The following ZRANB3 variants were observed in gnomAD, a reference collection of about 807,000 sequenced individuals.
ZRANB3 encodes DNA annealing helicase and endonuclease ZRANB3.
ZRANB3 carries 125 observed loss-of-function variants against 133.8 expected under a neutral mutation model. That is an observed-to-expected ratio of 0.93 (90% CI 0.81 to 1.08). The LOEUF is 1.08. Ranked by LOEUF, ZRANB3 falls within the 50% of genes least tolerant of loss-of-function variation. ZRANB3 has a pLI of 0.00. For synonymous variants in ZRANB3, 387 were observed against 432.7 expected, an observed-to-expected ratio of 0.89 and a Z score of 1.31; for missense variants, 1,229 against 1,275.5, an observed-to-expected ratio of 0.96 and a Z score of 0.56.
At chr2:135,201,453 G>C (rs1430693971) in intron 20 of ZRANB3, among the ~76,000 whole-genome samples, 2 of 152,090 alleles carry the variant, frequency 1.3e-5, no homozygotes, top group East Asian at 3.9e-4. Context: ...AGGAGTTTGA[G>C]AGCAGCCTGG....
intron 2 of ZRANB3, among the ~76,000 whole-genome samples, chr2:135,417,920 T>C (rs1380502859): frequency 6.6e-6 from 1 of 151,738 alleles, no homozygotes; most frequent in African/African-American, 2.4e-5. Flanking sequence ...TGAGAACACA[T>C]GGACACAGGA....
At chr2:135,297,385 G>T (rs1682183832) in intron 8 of ZRANB3, among the ~76,000 whole-genome samples, 1 of 152,246 alleles carries the variant, frequency 6.6e-6, no homozygotes, top group African/African-American at 2.4e-5. Context: ...ACAGGTGCGG[G>T]ATATAATCTC....
At chr2:135,300,417 A>G (rs1163549669) in intron 8 of ZRANB3, among the ~76,000 whole-genome samples, 4 of 152,206 alleles carry the variant, frequency 2.6e-5, no homozygotes, top group Admixed American at 6.5e-5. Flanking sequence ...AAATTCCTCA[A>G]CATAATTTTT....
chr2:135,379,226 GA>G (rs1686575999), intron 3 of ZRANB3, among the ~76,000 whole-genome samples: 1 of 151,966 alleles, frequency 6.6e-6, no homozygotes, highest in African/African-American at 2.4e-5. Context: ...AATAAAGTTG[GA>G]CTTAGAAACA....
intron 12 of ZRANB3, among the ~76,000 whole-genome samples, chr2:135,232,909 G>C (rs1355165999): frequency 2.0e-5 from 3 of 152,198 alleles, no homozygotes; most frequent in African/African-American, 7.2e-5. Flanking sequence ...AAAGGAACGA[G>C]CTCCTCACCA....
At chr2:135,332,879 AC>A (rs1397328107) in intron 6 of ZRANB3, among the ~76,000 whole-genome samples, 7 of 152,154 alleles carry the variant, frequency 4.6e-5, no homozygotes, top group African/African-American at 1.7e-4. Flanking sequence ...TTCATACATT[AC>A]CTTTGTTCTT....
chr2:135,338,281 G>T (rs553789155), intron 6 of ZRANB3, among the ~76,000 whole-genome samples: 1 of 152,300 alleles, frequency 6.6e-6, no homozygotes, highest in African/African-American at 2.4e-5. Flanking sequence ...AAAAACAAGT[G>T]TTCTGCCCTC....
intron 2 of ZRANB3, among the ~76,000 whole-genome samples, chr2:135,435,297 T>C (rs952865401): frequency 1.9e-4 from 29 of 152,218 alleles, no homozygotes; most frequent in African/African-American, 7.0e-4. Context: ...TCTAGCTCCA[T>C]ACATGTTCCT....
rs992488333 is a variant in ZRANB3 at position 135,345,531 on chromosome 2, G to A, written c.677+19C>T. ...GTAAACATGTGAGGAAAAAATTTAC[G>A]GAAAATAGTTTAACTTACCTGATGT... On this transcript the variant is annotated intron_variant, in intron 6 of 20. Transcript: ENST00000264159. 1.5e-5 allele frequency: 24 copies of A among 1,568,452 alleles called. 1 individual carries two copies. Among genetic ancestry groups the A allele is most frequent in the Middle Eastern group, 1.7e-4 (1 of 5,886 alleles).
At chr2:135,356,431 AAAGAAAAAAT>A (rs1685438711) in intron 3 of ZRANB3, among the ~76,000 whole-genome samples, 1 of 152,136 alleles carries the variant, frequency 6.6e-6, no homozygotes, top group Non-Finnish European at 1.5e-5. Flanking sequence ...AAATATTTTT[AAAGAAAAAAT>A]AAGAAAAAGA....
intron 2 of ZRANB3, among the ~76,000 whole-genome samples, chr2:135,490,741 C>T (rs909943122): frequency 9.2e-5 from 14 of 152,042 alleles, no homozygotes; most frequent in African/African-American, 3.4e-4. Flanking sequence ...AACTTAAATG[C>T]CCACGAGTAG....
chr2:135,311,486 A>G (rs1682970411), intron 8 of ZRANB3, among the ~76,000 whole-genome samples: 1 of 152,094 alleles, frequency 6.6e-6, no homozygotes, highest in Non-Finnish European at 1.5e-5. Context: ...AAAATATATG[A>G]CTACACAAAG....
intron 1 of ZRANB3, among the ~76,000 whole-genome samples, chr2:135,524,952 A>AT (rs1694091365): frequency 6.6e-6 from 1 of 152,062 alleles, no homozygotes; most frequent in African/African-American, 2.4e-5. Context: ...TAGATATATA[A>AT]TTTTTTTACT....
At chr2:135,408,895 C>A (rs1688174073) in intron 2 of ZRANB3, among the ~76,000 whole-genome samples, 1 of 151,964 alleles carries the variant, frequency 6.6e-6, no homozygotes. Context: ...TTAGTGGGTG[C>A]AGCACGCCAA....
chr2:135,443,472 T>C (rs930015827), intron 2 of ZRANB3, among the ~76,000 whole-genome samples: 28 of 151,888 alleles, frequency 1.8e-4, no homozygotes, highest in Non-Finnish European at 3.5e-4. Flanking sequence ...ACATGGCACA[T>C]ATATACCTAT....
chr2:135,457,261 C>T (rs1020340989), intron 2 of ZRANB3, among the ~76,000 whole-genome samples: 1 of 152,134 alleles, frequency 6.6e-6, no homozygotes, highest in Non-Finnish European at 1.5e-5. Flanking sequence ...AGTGAAAGAC[C>T]AAATGTATAC....
At chr2:135,366,671 A>G (rs1416494288) in intron 3 of ZRANB3, among the ~76,000 whole-genome samples, 2 of 152,136 alleles carry the variant, frequency 1.3e-5, no homozygotes, top group Non-Finnish European at 2.9e-5. Context: ...AAAAAGGACT[A>G]CTAAGAAAAA....
At chr2:135,215,938 A>G (rs372828367) in intron 17 of ZRANB3, among the ~76,000 whole-genome samples, 1 of 152,106 alleles carries the variant, frequency 6.6e-6, no homozygotes, top group East Asian at 1.9e-4. Context: ...ATGTCTCCAG[A>G]CACTACCATC....
intron 17 of ZRANB3, among the ~76,000 whole-genome samples, chr2:135,211,128 A>G (rs568733360): frequency 2.0e-5 from 3 of 152,326 alleles, no homozygotes; most frequent in Admixed American, 6.5e-5. Flanking sequence ...TTCCATTGAC[A>G]TATCATTCAC....
Sources: gnomAD v4.1 joint callset for allele counts (sites outside exome capture counted in the v4.1 genomes callset) on GRCh38, gnomAD v4.1.1 for gene constraint, MANE v1.5 for transcripts, NCBI Gene and HGNC (gene_info 2026-07-23, HGNC 2026-07-21) for gene names.